RIN3: variants seen among roughly 807,000 people sequenced by gnomAD.
RIN3 encodes RAB5 interacting protein 3.
Under a neutral mutation model 76.3 loss-of-function variants are expected in RIN3, and 54 were observed. The observed-to-expected ratio is 0.71, with a 90% CI of 0.57 to 0.89. The LOEUF (loss-of-function observed/expected upper bound fraction) is 0.89, where lower values mean the gene tolerates loss of function less well. Ranked by LOEUF, RIN3 falls within the 40% of genes least tolerant of loss-of-function variation. RIN3 has a pLI of 0.00. For missense variants in RIN3, 1,256 were observed against 1,322.1 expected (o/e 0.95, Z 0.78); for synonymous variants, 576 against 564.0 (o/e 1.02, Z -0.30).
At chr14:92,650,621 G>C (rs140690600) in intron 5 of RIN3, among the ~76,000 whole-genome samples, 1 of 152,360 alleles carries the variant, frequency 6.6e-6, no homozygotes, top group Non-Finnish European at 1.5e-5. Context: ...CAAGACCTGG[G>C]ACCCTTGTTT....
At chr14:92,588,082 T>G (rs1884840815) in intron 3 of RIN3, among the ~76,000 whole-genome samples, 1 of 152,202 alleles carries the variant, frequency 6.6e-6, no homozygotes, top group Admixed American at 6.5e-5. Flanking sequence ...ATCAGAGTCT[T>G]AATCCCATCC....
intron 7 of RIN3, among the ~76,000 whole-genome samples, chr14:92,670,150 C>T (rs1186515935): frequency 6.6e-6 from 1 of 151,934 alleles, no homozygotes; most frequent in African/African-American, 2.4e-5. Context: ...GTCTGGGTGA[C>T]CCAGCTGAGC....
chr14:92,685,146 T>C lies in RIN3; in HGVS notation c.2627T>C (p.Val876Ala). Residue 876 changes from valine to alanine, a missense_variant, in exon 9 of 10, where the codon GTA becomes GCA. Physicochemically the swap from Val to Ala is moderately conservative, Grantham distance 64 (BLOSUM62 0). This residue lies in a region of RIN3 where 218 missense variants were observed against 174.5 expected (regional missense o/e 1.25). Transcript: ENST00000216487. The surrounding 1 kb of genome is among the most constrained non-coding windows in gnomAD (Gnocchi z 4.7). ...AAGGCCCGGGCCTCCCGCTCCTCCGTACAGGTGAGGCCTGAGAGCGGGAGG... is the reference window on the plus strand; with the variant it reads ...AAGGCCCGGGCCTCCCGCTCCTCCGCACAGGTGAGGCCTGAGAGCGGGAGG... ...LNKARASRSS[V>A]QDFICVSYLE... The C allele has an allele frequency of 6.2e-7, 1 of 1,608,668 alleles. No individual in the cohort carries two copies. Among genetic ancestry groups the C allele is most frequent in the Non-Finnish European group, 8.5e-7 (1 of 1,176,836 alleles).
intron 7 of RIN3, among the ~76,000 whole-genome samples, chr14:92,671,244 G>A (rs550002966): frequency 7.2e-4 from 110 of 152,274 alleles, no homozygotes; most frequent in African/African-American, 2.3e-3. Context: ...GGGAGCCAGA[G>A]CAGGAACTGT....
chr14:92,647,240 GAA>G (rs1380299555), intron 5 of RIN3, among the ~76,000 whole-genome samples: 6 of 152,196 alleles, frequency 3.9e-5, no homozygotes, highest in African/African-American at 1.4e-4. Context: ...GCCGACGTAA[GAA>G]AGTCCAAATT....
intron 3 of RIN3, among the ~76,000 whole-genome samples, chr14:92,591,136 A>G (rs754650473): frequency 2.0e-4 from 31 of 152,224 alleles, no homozygotes; most frequent in Non-Finnish European, 4.3e-4. Context: ...GAGAGATGGA[A>G]GTTCCAAGAA....
intron 3 of RIN3, among the ~76,000 whole-genome samples, chr14:92,583,522 A>G (rs1387345383): frequency 6.6e-6 from 1 of 152,260 alleles, no homozygotes; most frequent in African/African-American, 2.4e-5. Context: ...TTCCACATCC[A>G]CGGATTTAAT....
At chr14:92,545,620 A>G (rs371281676) in intron 1 of RIN3, among the ~76,000 whole-genome samples, 65 of 122,472 alleles carry the variant, frequency 5.3e-4, no homozygotes, top group Non-Finnish European at 7.3e-4. Context: ...TTACTCTGTC[A>G]CTGAGGCTGG....
chr14:92,630,992 C>T (rs1461271382), intron 4 of RIN3, among the ~76,000 whole-genome samples: 1 of 152,220 alleles, frequency 6.6e-6, no homozygotes, highest in African/African-American at 2.4e-5. Flanking sequence ...CTACAGACTC[C>T]TCCAGAGCCT....
chr14:92,684,891 G>A (rs1442264537), intron 8 of RIN3, 96 bp from the exon 9 acceptor site: 21 of 1,314,162 alleles, frequency 1.6e-5, no homozygotes, highest in Middle Eastern at 2.4e-4. Flanking sequence ...GAGGTGGTGG[G>A]CGGGGCTTGG....
intron 3 of RIN3, among the ~76,000 whole-genome samples, chr14:92,594,239 C>T (rs2140080733): frequency 1.3e-5 from 2 of 152,106 alleles, no homozygotes; most frequent in South Asian, 4.1e-4. Flanking sequence ...TTGAGACCAC[C>T]CTGACTAATA....
At chr14:92,550,341 T>A (rs1033671575) in intron 1 of RIN3, among the ~76,000 whole-genome samples, 9 of 152,166 alleles carry the variant, frequency 5.9e-5, no homozygotes, top group African/African-American at 2.2e-4. Flanking sequence ...GCTCATGAAA[T>A]TTTCCCAGTA....
intron 8 of RIN3, among the ~76,000 whole-genome samples, chr14:92,684,402 A>AAAC (rs1888774317): frequency 2.0e-5 from 3 of 150,918 alleles, no homozygotes; most frequent in African/African-American, 4.9e-5. Flanking sequence ...AAAAAAAAAA[A>AAAC]CCTCACACAA....
chr14:92,632,434 G>A (rs1170293536), intron 4 of RIN3, among the ~76,000 whole-genome samples: 1 of 152,206 alleles, frequency 6.6e-6, no homozygotes, highest in Non-Finnish European at 1.5e-5. Flanking sequence ...CAGCCCCCAG[G>A]GCTGTGCTGA....
Position 92,555,923 on chromosome 14 carries a change from G to A in RIN3, c.217G>A (p.Val73Met). The part of the protein sequence containing the change: ...WLQLSLGQAE[V>M]ARILHRVVAG... ...GCAGCTGAGTCTGGGCCAGGCAGAG[G>A]TGGCCAGGATCCTGCACCGGGTGGT... The change falls in exon 2 of 10, where the codon GTG (valine) becomes ATG (methionine). Residue 73 changes from valine (V) to methionine (M), a missense_variant. Physicochemically the swap from Val to Met is conservative, Grantham distance 21. This residue lies in a region of RIN3 where 610 missense variants were observed against 626.4 expected (regional missense o/e 0.97). Coordinates refer to ENST00000216487, the MANE Select transcript of RIN3 (RefSeq NM_024832.5). 6.2e-7 allele frequency: 1 copy of A among 1,613,416 alleles called. No individual in the cohort carries two copies. Among genetic ancestry groups the A allele is most frequent in the Non-Finnish European group, 8.5e-7 (1 of 1,180,006 alleles).
chr14:92,569,287 G>A (rs1401760055), intron 2 of RIN3, among the ~76,000 whole-genome samples: 1 of 152,158 alleles, frequency 6.6e-6, no homozygotes, highest in East Asian at 1.9e-4. Flanking sequence ...CTGCGGGTGG[G>A]GTGAGTGGAG....
At chr14:92,658,178 G>A (rs1176589452) in intron 6 of RIN3, among the ~76,000 whole-genome samples, 1 of 152,208 alleles carries the variant, frequency 6.6e-6, no homozygotes, top group Non-Finnish European at 1.5e-5. Context: ...GGGCATCAGA[G>A]CACATATGCC....
intron 3 of RIN3, among the ~76,000 whole-genome samples, chr14:92,605,323 G>T (rs1042598046): frequency 6.6e-6 from 1 of 152,178 alleles, no homozygotes. Context: ...CCCTTCAAAT[G>T]GGGGTCAGAA....
intron 1 of RIN3, among the ~76,000 whole-genome samples, chr14:92,547,019 A>T (rs10147695): frequency 6.8e-5 from 7 of 103,416 alleles, no homozygotes; most frequent in Middle Eastern, 6.4e-3. Flanking sequence ...TTTATTATTA[A>T]TATAATTATT....
Sources: allele counts gnomAD v4.1 joint callset (sites outside exome capture counted in the v4.1 genomes callset), GRCh38; gene constraint gnomAD v4.1.1; regional missense constraint gnomAD v4.1.1; non-coding constraint Gnocchi (gnomAD v3.1); transcripts MANE v1.5; gene names NCBI Gene and HGNC (gene_info 2026-07-23, HGNC 2026-07-21).